The following PHRF1 variants were observed in gnomAD, a reference collection of about 807,000 sequenced individuals.
PHRF1 encodes the protein PHD and ring finger domains 1, also known as PHD and RING finger domain-containing protein 1.
PHRF1 carries 53 observed loss-of-function variants against 128.9 expected under a neutral mutation model. That is an observed-to-expected ratio of 0.41 (90% CI 0.33 to 0.52). The LOEUF is 0.52. Ranked by LOEUF, PHRF1 falls within the 20% of genes least tolerant of loss-of-function variation. PHRF1 has a pLI of 0.21. For missense variants in PHRF1, 2,503 were observed against 2,284.5 expected (o/e 1.10, Z -1.95); for synonymous variants, 1,178 against 980.6 (o/e 1.20, Z -3.76).
Position 606,449 on chromosome 11 carries a change from C to T in PHRF1, c.1462C>T (p.Leu488Phe), listed in dbSNP as rs1035633029. 8 of 1,553,786 alleles carry T rather than the reference C, an allele frequency of 5.1e-6. No homozygotes were observed. In the African/African-American group the frequency reaches 5.4e-5, roughly 11 times the overall value. ...PVSVGLSRRR[L>F]PAAVPEPDLE... ...TTGGGTCTGTGCCCACAGGAGGCGCCTCCCTGCCGCGGTGCCAGAGCCAGA... is the reference window on the plus strand; with the variant it reads ...TTGGGTCTGTGCCCACAGGAGGCGCTTCCCTGCCGCGGTGCCAGAGCCAGA... Residue 488 changes from leucine (L) to phenylalanine (F), a missense_variant, in exon 13 of 18, where the codon CTC becomes TTC. By Grantham distance (22) the Leu-to-Phe change is conservative (BLOSUM62 0). Transcript: ENST00000264555.
At chr11:579,468 C>T (rs1854086409) in intron 1 of PHRF1, among the ~76,000 whole-genome samples, 2 of 152,208 alleles carry the variant, frequency 1.3e-5, no homozygotes, top group Admixed American at 1.3e-4. Context: ...ACAGCTATTG[C>T]CAGGGAGTTA....
chr11:611,577 C>T, intron 17 of PHRF1, 57 bp from the exon 18 acceptor site: 7 of 1,608,950 alleles, frequency 4.4e-6, no homozygotes, highest in East Asian at 2.2e-5. Flanking sequence ...GCCCTGGGCT[C>T]TGGCCCGGAA....
intron 5 of PHRF1, among the ~76,000 whole-genome samples, chr11:592,074 C>T (rs1589874473): frequency 1.3e-5 from 2 of 152,250 alleles, no homozygotes; most frequent in Admixed American, 6.5e-5. Flanking sequence ...CGCCACCACG[C>T]CCGGCTAATT....
intron 3 of PHRF1, among the ~76,000 whole-genome samples, chr11:584,725 G>C (rs1291754813): frequency 6.7e-6 from 1 of 149,658 alleles, no homozygotes; most frequent in Non-Finnish European, 1.5e-5. Flanking sequence ...TATTTCTCCA[G>C]GACCTTTTTT....
chr11:597,649 G>C lies in PHRF1; in HGVS notation c.894+79G>C. On this transcript the variant is annotated intron_variant, in intron 8 of 17. Coordinates refer to ENST00000264555, the MANE Select transcript of PHRF1 (RefSeq NM_001286581.2). This position sits in a 1 kb window ranked among gnomAD's most constrained non-coding sequence, Gnocchi z 6.5. ...CTCGGCAGTCTGGGTGGGTGGGAGGGGCGTCGTCGGCACTGTGGGGTCCGC... is the reference window on the plus strand; with the variant it reads ...CTCGGCAGTCTGGGTGGGTGGGAGGCGCGTCGTCGGCACTGTGGGGTCCGC... 6.7e-7 allele frequency: 1 copy of C among 1,482,686 alleles called. No individual in the cohort carries two copies. Among genetic ancestry groups the C allele is most frequent in the South Asian group, 1.3e-5 (1 of 78,670 alleles). The allele number at this position is 1,482,686 out of a possible 1,614,324, so 91.8% of individuals were successfully genotyped here.
At position 609,084 on chromosome 11, in the gene PHRF1, G is replaced by A. The variant is rs756131392; in HGVS notation, c.3628G>A (p.Glu1210Lys). 1 of 1,602,944 alleles carries A rather than the reference G, an allele frequency of 6.2e-7. No individual in the cohort carries two copies. The highest frequency in any genetic ancestry group is 2.2e-5 in the East Asian group (1 of 44,622). Residue 1210 changes from glutamate to lysine, a missense_variant, in exon 14 of 18, where the codon GAG (glutamate) becomes AAG (lysine). Coordinates refer to ENST00000264555, the MANE Select transcript of PHRF1 (RefSeq NM_001286581.2). ...TTCCCCAGCGCCCCTTGCACAGGGG[G>A]AGCCAGGGCGGGAAGACCTCCCCAC... is the stretch of plus-strand genomic sequence containing the variant. ...EASPAPLAQG[E>K]PGREDLPTRL...
At position 610,722 on chromosome 11, in the gene PHRF1, G is replaced by A. The variant is rs773152079; in HGVS notation, c.4638G>A (p.Pro1546=). 2.9e-5 allele frequency: 46 copies of A among 1,602,252 alleles called. No homozygotes were observed. Among genetic ancestry groups the A allele is most frequent in the Middle Eastern group, 3.3e-4 (2 of 6,084 alleles). The part of the protein sequence containing the change: ...TAASNSEEKT[P]APRLAAEKTK... ...CCAGCAACTCGGAGGAGAAGACCCC[G>A]GCCCCCAGGCTAGCTGCGGAGAAAA... Residue 1546 remains proline (P), a synonymous_variant, in exon 16 of 18, where the codon CCG becomes CCA. Coordinates refer to ENST00000264555, the MANE Select transcript of PHRF1 (RefSeq NM_001286581.2).
At position 607,805 on chromosome 11, in the gene PHRF1, A is replaced by G. The variant is rs1442795379; in HGVS notation, c.2349A>G (p.Gly783=). ...AGAGCTTCCGGATCAATATTCCTGG[A>G]AACATGGCACATTCCAGCCAGCTCT... ...TFESFRINIP[G]NMAHSSQLSS... The change falls in exon 14 of 18, where the codon GGA becomes GGG. Residue 783 remains glycine, a synonymous_variant. Coordinates refer to ENST00000264555, the MANE Select transcript of PHRF1 (RefSeq NM_001286581.2). 3.1e-6 allele frequency: 5 copies of G among 1,612,632 alleles called. No individual in the cohort carries two copies. The highest frequency in any genetic ancestry group is 3.3e-4 in the Middle Eastern group (2 of 6,084).
In PHRF1 at chr11:605,234, G is replaced by A. The variant is rs1247920830; in HGVS notation, c.1268G>A (p.Arg423Lys). ...KPVEPSLGLL[R>K]ADIGAASLSL... ...GTGGAGCCCTCTTTGGGGCTGCTGA[G>A]AGCGGATATTGGAGCTGCCTCTCTG... The change falls in exon 11 of 18, where the codon AGA (arginine) becomes AAA (lysine). Residue 423 changes from arginine (R) to lysine (K), a missense_variant. Arg to Lys is a conservative substitution (Grantham distance 26, BLOSUM62 2). Coordinates refer to ENST00000264555, the MANE Select transcript of PHRF1 (RefSeq NM_001286581.2). 6.2e-7 allele frequency: 1 copy of A among 1,613,436 alleles called. No homozygotes were observed. The highest frequency in any genetic ancestry group is 1.3e-5 in the African/African-American group (1 of 74,946).
rs114013958 is a variant in PHRF1 at position 595,940 on chromosome 11, C to T, written c.621-983C>T. Among the ~76,000 whole-genome samples, 871 of 152,336 alleles carry T rather than the reference C, an allele frequency of 5.7e-3. 5 individuals are homozygous for T. Among genetic ancestry groups the T allele is most frequent in the African/African-American group, 0.02 (831 of 41,580 alleles). ...GGGCGTGTCGTGTGCCCGGGGCAGT[C>T]GGCTTCTCTTCCTGCATGCCTGTCT... On this transcript the variant is annotated intron_variant, in intron 6 of 17. Transcript: ENST00000264555.
chr11:605,771 C>T, intron 12 of PHRF1, 47 bp downstream of exon 12: 1 of 1,565,692 alleles, frequency 6.4e-7, no homozygotes, highest in Non-Finnish European at 8.6e-7. Flanking sequence ...AGCAGTTGGG[C>T]ATCGGATGGG....
rs756623119 is a variant in PHRF1, at chr11:605,635, C to T, written c.1365C>T (p.Ser455=). The change falls in exon 12 of 18, where the codon TCC becomes TCT. Residue 455 remains serine (S), a synonymous_variant. Transcript: ENST00000264555. Reference sequence around the variant, plus strand: ...AAGAGCTTTCTGCAAACCCTCTTTCCCCTCTGAGTGCCAAGAGACGGGCTC... The same window carrying T: ...AAGAGCTTTCTGCAAACCCTCTTTCTCCTCTGAGTGCCAAGAGACGGGCTC... ...SSEELSANPL[S]PLSAKRRALS... The T allele has an allele frequency of 7.4e-6, 12 of 1,613,686 alleles. No individual in the cohort carries two copies. Among genetic ancestry groups the T allele is most frequent in the Non-Finnish European group, 9.3e-6 (11 of 1,179,892 alleles).
chr11:604,798 C>CA (rs1855846179), intron 10 of PHRF1, among the ~76,000 whole-genome samples: 1 of 152,320 alleles, frequency 6.6e-6, no homozygotes, highest in African/African-American at 2.4e-5. Context: ...AGATGTGAGC[C>CA]ATCAAGGGGT....
Position 607,439 on chromosome 11 carries a change from G to A in PHRF1, c.1983G>A (p.Val661=). Residue 661 remains valine, a synonymous_variant, in exon 14 of 18, where the codon GTG becomes GTA. Coordinates refer to ENST00000264555, the MANE Select transcript of PHRF1 (RefSeq NM_001286581.2). The part of the protein sequence containing the change: ...SRDSKPPCRS[V]VPGPPLKPAP... ...ATTCTAAGCCCCCATGTCGCAGTGT[G>A]GTGCCGGGGCCTCCCCTGAAGCCAG... is the stretch of plus-strand genomic sequence containing the variant. 1.2e-6 allele frequency: 2 copies of A among 1,612,826 alleles called. No homozygotes were observed. The highest frequency in any genetic ancestry group is 1.1e-5 in the South Asian group (1 of 91,086).
At chr11:594,369 G>A (rs1028944359) in intron 6 of PHRF1, among the ~76,000 whole-genome samples, 4 of 152,238 alleles carry the variant, frequency 2.6e-5, no homozygotes, top group African/African-American at 7.2e-5. Context: ...GCAGCTGGTA[G>A]GCCAGTTTTC....
Position 607,930 on chromosome 11 carries a change from T to G in PHRF1, c.2474T>G (p.Leu825Arg). Residue 825 changes from leucine (L) to arginine (R), a missense_variant, in exon 14 of 18, where the codon CTG becomes CGG. By Grantham distance (102) the Leu-to-Arg change is moderately radical. Transcript: ENST00000264555. The stretch of plus-strand genomic sequence containing the variant: ...TTCTCCATCAAGAAGACGAAGCAGC[T>G]GCGGAGCGAGGTCTACGACCCATCC... ...PLFSIKKTKQ[L>R]RSEVYDPSDP... 1 of 1,612,512 alleles carries G rather than the reference T, an allele frequency of 6.2e-7. No individual in the cohort carries two copies. Among genetic ancestry groups the G allele is most frequent in the Non-Finnish European group, 8.5e-7 (1 of 1,179,860 alleles).
intron 3 of PHRF1, among the ~76,000 whole-genome samples, chr11:584,848 C>T (rs963481407): frequency 6.6e-6 from 1 of 151,026 alleles, no homozygotes; most frequent in African/African-American, 2.4e-5. Flanking sequence ...AGCGATTCTC[C>T]TGCCTCAGCC....
At chr11:592,522 G>A (rs780167476) in intron 5 of PHRF1, 37 bp from the exon 6 acceptor site, 1 of 1,587,520 alleles carries the variant, frequency 6.3e-7, no homozygotes. Flanking sequence ...CGGGGAGTTT[G>A]GGTCCTGTGT....
At chr11:606,291 G>C (rs902732317) in intron 12 of PHRF1, 151 bp from the exon 13 acceptor site, 10 of 1,075,896 alleles carry the variant, frequency 9.3e-6, no homozygotes, top group Non-Finnish European at 1.3e-5. Context: ...GCACCTCTTA[G>C]AACAGCAGCC....
Sources: gnomAD v4.1 joint callset for allele counts (sites outside exome capture counted in the v4.1 genomes callset) on GRCh38, gnomAD v4.1.1 for gene constraint, Gnocchi (gnomAD v3.1) non-coding constraint, MANE v1.5 for transcripts, NCBI Gene and HGNC (gene_info 2026-07-23, HGNC 2026-07-21) for gene names.